SH3GL2: variants seen among roughly 807,000 people sequenced by gnomAD.
SH3GL2 encodes the protein SH3 domain containing GRB2 like 2, endophilin A1.
SH3GL2 carries 24 observed loss-of-function variants against 46.0 expected under a neutral mutation model. The ratio of observed to expected loss-of-function variants is 0.52; its 90% confidence interval spans 0.38 to 0.73. The LOEUF (loss-of-function observed/expected upper bound fraction) is 0.73. SH3GL2 is among the 30% of genes least tolerant of loss of function. The probability of loss-of-function intolerance (pLI) is 0.00; values close to 1 mark genes in which losing one functional copy is unlikely to be tolerated. For synonymous variants in SH3GL2, 196 were observed against 147.1 expected, an observed-to-expected ratio of 1.33 and a Z score of -2.40; for missense variants, 413 against 424.2, an observed-to-expected ratio of 0.97 and a Z score of 0.23.
At chr9:17,660,577 A>G (rs1820188011) in intron 1 of SH3GL2, among the ~76,000 whole-genome samples, 2 of 152,144 alleles carry the variant, frequency 1.3e-5, no homozygotes, top group South Asian at 4.2e-4. Context: ...TAGTGAAGAG[A>G]AAGTTTAAAT....
intron 3 of SH3GL2, among the ~76,000 whole-genome samples, chr9:17,780,492 T>C (rs1823774943): frequency 6.7e-6 from 1 of 148,342 alleles, no homozygotes; most frequent in Admixed American, 6.8e-5. Flanking sequence ...ATTTTTTTTT[T>C]ATTATACTCT....
chr9:17,742,374 C>A (rs544677430), intron 1 of SH3GL2, among the ~76,000 whole-genome samples: 2 of 152,272 alleles, frequency 1.3e-5, no homozygotes, highest in Admixed American at 1.3e-4. Flanking sequence ...TAAGCTGTCG[C>A]TGGCTGGTGG....
intron 1 of SH3GL2, among the ~76,000 whole-genome samples, chr9:17,685,104 C>T (rs1820869107): frequency 6.6e-6 from 1 of 152,030 alleles, no homozygotes; most frequent in African/African-American, 2.4e-5. Context: ...TCTAGAGAAA[C>T]AGAACCAGTG....
At chr9:17,613,889 C>T (rs1157558010) in intron 1 of SH3GL2, among the ~76,000 whole-genome samples, 5 of 152,134 alleles carry the variant, frequency 3.3e-5, no homozygotes, top group African/African-American at 1.2e-4. Flanking sequence ...ATCTTAATGC[C>T]ACTAAATTAC....
intron 1 of SH3GL2, among the ~76,000 whole-genome samples, chr9:17,618,686 A>G (rs373434472): frequency 7.9e-5 from 12 of 152,128 alleles, no homozygotes; most frequent in Admixed American, 2.0e-4. Flanking sequence ...TCACTCTTCT[A>G]AAGTTTGTAA....
intron 1 of SH3GL2, among the ~76,000 whole-genome samples, chr9:17,740,080 T>G (rs541072105): frequency 8.1e-4 from 123 of 152,272 alleles, no homozygotes; most frequent in African/African-American, 2.7e-3. Flanking sequence ...ACATCATTGT[T>G]TTTTATATTA....
At chr9:17,747,437 G>C (rs1193018297) in intron 2 of SH3GL2, among the ~76,000 whole-genome samples, 2 of 152,144 alleles carry the variant, frequency 1.3e-5, no homozygotes, top group Non-Finnish European at 2.9e-5. Context: ...GTTTGAATTA[G>C]GGTGAGATGC....
intron 1 of SH3GL2, among the ~76,000 whole-genome samples, chr9:17,669,185 TC>T (rs1820412563): frequency 6.6e-6 from 1 of 152,310 alleles, no homozygotes; most frequent in African/African-American, 2.4e-5. Flanking sequence ...TATCCAGTTT[TC>T]CCCAGTGGTA....
chr9:17,683,760 A>G (rs1389772353), intron 1 of SH3GL2, among the ~76,000 whole-genome samples: 4 of 152,062 alleles, frequency 2.6e-5, no homozygotes, highest in African/African-American at 4.8e-5. Context: ...TACAGGCACA[A>G]AGGGAAGACC....
intron 1 of SH3GL2, among the ~76,000 whole-genome samples, chr9:17,680,331 T>A (rs1820735074): frequency 6.6e-6 from 1 of 152,188 alleles, no homozygotes; most frequent in Non-Finnish European, 1.5e-5. Context: ...TGTTCAGGGA[T>A]TCAACTTCTT....
chr9:17,735,825 G>T, intron 1 of SH3GL2: 1 of 668,072 alleles, frequency 1.5e-6, no homozygotes, highest in South Asian at 6.7e-5. Context: ...GGTGGTGTGG[G>T]ATTCAGGGAC....
chr9:17,769,838 G>A (rs960285461), intron 3 of SH3GL2, among the ~76,000 whole-genome samples: 2 of 152,104 alleles, frequency 1.3e-5, no homozygotes, highest in African/African-American at 4.8e-5. Context: ...TCGTAATAAT[G>A]GAAGTAGTGC....
intron 1 of SH3GL2, among the ~76,000 whole-genome samples, chr9:17,720,312 T>C (rs1422106362): frequency 6.6e-6 from 1 of 152,124 alleles, no homozygotes; most frequent in Non-Finnish European, 1.5e-5. Context: ...AGAAAAACCT[T>C]AGGCAAATTA....
At chr9:17,616,082 G>A (rs1318084473) in intron 1 of SH3GL2, among the ~76,000 whole-genome samples, 1 of 152,112 alleles carries the variant, frequency 6.6e-6, no homozygotes, top group Non-Finnish European at 1.5e-5. Flanking sequence ...CAGTAAGGTG[G>A]ATTACTTACC....
intron 1 of SH3GL2, among the ~76,000 whole-genome samples, chr9:17,694,912 A>C (rs1291860102): frequency 6.6e-6 from 1 of 152,070 alleles, no homozygotes; most frequent in African/African-American, 2.4e-5. Context: ...TAGGGGAGGC[A>C]GTGGCACACT....
chr9:17,579,796 C>A (rs977583382), intron 1 of SH3GL2, among the ~76,000 whole-genome samples: 1 of 152,152 alleles, frequency 6.6e-6, no homozygotes, highest in Non-Finnish European at 1.5e-5. Flanking sequence ...ACCCTCCTTC[C>A]CCGCCGCCCG....
chr9:17,618,457 A>G (rs766690635), intron 1 of SH3GL2, among the ~76,000 whole-genome samples: 1 of 152,196 alleles, frequency 6.6e-6, no homozygotes, highest in Non-Finnish European at 1.5e-5. Flanking sequence ...GCATTTGATA[A>G]TAGTAAACTC....
chr9:17,628,122 G>A (rs1259075563), intron 1 of SH3GL2, among the ~76,000 whole-genome samples: 5 of 152,030 alleles, frequency 3.3e-5, no homozygotes, highest in African/African-American at 1.2e-4. Context: ...GAAGCTACCC[G>A]GAGTCTCAGT....
intron 1 of SH3GL2, among the ~76,000 whole-genome samples, chr9:17,677,711 T>C (rs966963245): frequency 1.3e-5 from 2 of 152,098 alleles, no homozygotes; most frequent in African/African-American, 4.8e-5. Context: ...ACATGTGCCA[T>C]GTTGGTGTGC....
Sources: gnomAD v4.1 joint callset for allele counts (sites outside exome capture counted in the v4.1 genomes callset) on GRCh38, gnomAD v4.1.1 for gene constraint, MANE v1.5 for transcripts, NCBI Gene and HGNC (gene_info 2026-07-23, HGNC 2026-07-21) for gene names.